Variants in NCBP1 observed in about 807,000 individuals in gnomAD.
The protein encoded by NCBP1 is nuclear cap-binding protein subunit 1.
Under a neutral mutation model 111.7 loss-of-function variants are expected in NCBP1, and 16 were observed. The ratio of observed to expected loss-of-function variants is 0.14; its 90% CI spans 0.10 to 0.22. NCBP1 has a LOEUF of 0.22. Ranked by LOEUF, NCBP1 falls within the 10% of genes least tolerant of loss-of-function variation. The probability of loss-of-function intolerance (pLI) is 1.00; values close to 1 mark genes in which losing one functional copy is unlikely to be tolerated. For missense variants in NCBP1, 607 were observed against 957.5 expected (o/e 0.63, Z 4.83); for synonymous variants, 304 against 314.3 (o/e 0.97, Z 0.35).
chr9:97,670,987 C>A, intron 22 of NCBP1, 99 bp from the exon 23 acceptor site: 2 of 666,578 alleles, frequency 3.0e-6, no homozygotes, highest in South Asian at 2.5e-5. Flanking sequence ...TTCCTCTTTT[C>A]ATCATTCTGC....
chr9:97,652,851 C>G (rs1463789761), intron 10 of NCBP1, among the ~76,000 whole-genome samples: 2 of 152,118 alleles, frequency 1.3e-5, no homozygotes, highest in Non-Finnish European at 2.9e-5. Context: ...TGCAAAATGT[C>G]ATTTTTAAAT....
intron 1 of NCBP1, chr9:97,636,178 A>G (rs1235399340): frequency 6.8e-6 from 1 of 146,912 alleles, no homozygotes. Flanking sequence ...AGTTGCCACA[A>G]TTTGGATAAC....
intron 22 of NCBP1, among the ~76,000 whole-genome samples, chr9:97,670,637 TGA>T (rs1174018944): frequency 6.6e-6 from 1 of 152,234 alleles, no homozygotes; most frequent in Non-Finnish European, 1.5e-5. Flanking sequence ...TAAGAATCTC[TGA>T]GAGTATTCAT....
intron 11 of NCBP1, 138 bp downstream of exon 11, chr9:97,654,046 A>T: frequency 1.6e-6 from 1 of 619,182 alleles, no homozygotes; most frequent in East Asian, 2.8e-5. Flanking sequence ...TATTACATGT[A>T]TGTACTTGTA....
rs532748471 is a variant in NCBP1, at chr9:97,634,933, G to A, written c.34+1018G>A. 7.2e-5 allele frequency among the ~76,000 whole-genome samples: 11 copies of A among 152,246 alleles called. No homozygotes were observed. The South Asian group carries it at 2.3e-3, about 32-fold the overall frequency. ...ATGATATTTATATCTTCTGGTTTTT[G>A]TGAAGGTTAAATGAGGTAATACACA... On this transcript the variant is annotated intron_variant, in intron 1 of 22. Coordinates refer to ENST00000375147, the MANE Select transcript of NCBP1 (RefSeq NM_002486.5).
intron 14 of NCBP1, among the ~76,000 whole-genome samples, chr9:97,657,902 C>T (rs1827708201): frequency 1.4e-5 from 1 of 69,482 alleles, no homozygotes; most frequent in African/African-American, 6.5e-5. Flanking sequence ...CTCTCTCTCT[C>T]TCTCTATATA....
At chr9:97,639,567 T>G (rs1268086571) in intron 1 of NCBP1, among the ~76,000 whole-genome samples, 1 of 152,192 alleles carries the variant, frequency 6.6e-6, no homozygotes, top group Non-Finnish European at 1.5e-5. Context: ...TATATCCAAC[T>G]GCAGATTTTC....
chr9:97,667,730 G>A (rs767763823), intron 20 of NCBP1, among the ~76,000 whole-genome samples: 2 of 152,208 alleles, frequency 1.3e-5, no homozygotes, highest in Non-Finnish European at 2.9e-5. Flanking sequence ...GCCACTAGCT[G>A]CACGTGACTA....
intron 1 of NCBP1, 27 bp from the exon 2 acceptor site, chr9:97,640,767 T>C: frequency 6.5e-7 from 1 of 1,545,810 alleles, no homozygotes; most frequent in South Asian, 1.2e-5. Context: ...TATCATGTAA[T>C]GTTAATTTTT....
At chr9:97,657,906 C>CTA (rs34556640) in intron 14 of NCBP1, among the ~76,000 whole-genome samples, 79 of 127,490 alleles carry the variant, frequency 6.2e-4, no homozygotes, top group East Asian at 2.5e-3. Flanking sequence ...CTCTCTCTCT[C>CTA]TATATATATA....
At chr9:97,652,090 G>A (rs1362122252) in intron 10 of NCBP1, among the ~76,000 whole-genome samples, 1 of 152,054 alleles carries the variant, frequency 6.6e-6, no homozygotes, top group Non-Finnish European at 1.5e-5. Flanking sequence ...TGCAGCCTCC[G>A]CCTCCGGGGT....
chr9:97,664,741 G>A (rs759524113), intron 19 of NCBP1, among the ~76,000 whole-genome samples: 14 of 152,174 alleles, frequency 9.2e-5, no homozygotes, highest in Non-Finnish European at 5.9e-5. Flanking sequence ...AGCCAGCTAT[G>A]TGCAGAGTCT....
At chr9:97,645,393 C>T (rs1338160112) in intron 5 of NCBP1, among the ~76,000 whole-genome samples, 169 bp downstream of exon 5, 1 of 152,082 alleles carries the variant, frequency 6.6e-6, no homozygotes, top group Non-Finnish European at 1.5e-5. Context: ...ATTAAGCTGA[C>T]TGGCACACTG....
At position 97,664,334 on chromosome 9, in the gene NCBP1, T is replaced by C; in HGVS notation, c.1798-6T>C. 6.4e-7 allele frequency: 1 copy of C among 1,572,214 alleles called. No individual in the cohort carries two copies. Among genetic ancestry groups the C allele is most frequent in the Non-Finnish European group, 8.7e-7 (1 of 1,142,950 alleles). ...GTGATTTACTTGAATAATTCTCTCA[T>C]TGTAGATGATTGCTGTACTAGTGGA... is the stretch of plus-strand genomic sequence containing the variant. On this transcript the variant is annotated splice_region_variant and splice_polypyrimidine_tract_variant and intron_variant, in intron 18 of 22. Coordinates refer to ENST00000375147, the MANE Select transcript of NCBP1 (RefSeq NM_002486.5).
intron 17 of NCBP1, among the ~76,000 whole-genome samples, chr9:97,662,394 C>G (rs1056979924): frequency 5.9e-5 from 9 of 152,058 alleles, no homozygotes; most frequent in African/African-American, 2.2e-4. Context: ...TAGTGAAAAA[C>G]CTAGGTTTTT....
rs375933925 is a variant in NCBP1 at position 97,638,606 on chromosome 9, A to T, written c.35-2188A>T. 1.5e-3 allele frequency among the ~76,000 whole-genome samples: 235 copies of T among 152,330 alleles called. 1 individual carries two copies. The highest frequency in any genetic ancestry group is 5.5e-3 in the African/African-American group (227 of 41,562). On this transcript the variant is annotated intron_variant, in intron 1 of 22. Transcript: ENST00000375147. ...ACAGCAACAAAAAATAACTGCTCTC[A>T]TTCAGCTAGTTTTTCAGCATCTGCA...
At chr9:97,669,473 C>A (rs933704420) in intron 21 of NCBP1, 120 bp from the exon 22 acceptor site, 3 of 654,924 alleles carry the variant, frequency 4.6e-6, no homozygotes, top group Non-Finnish European at 8.1e-6. Context: ...GGAAGCTAGG[C>A]ACACACACCA....
chr9:97,651,861 C>T (rs987394252), intron 10 of NCBP1, among the ~76,000 whole-genome samples: 2 of 152,000 alleles, frequency 1.3e-5, no homozygotes, highest in African/African-American at 2.4e-5. Context: ...ATCTAAAGAG[C>T]CAAGCAGTTT....
At chr9:97,651,438 T>G in intron 10 of NCBP1, 65 bp downstream of exon 10, 1 of 1,385,436 alleles carries the variant, frequency 7.2e-7, no homozygotes, top group Admixed American at 1.8e-5. Flanking sequence ...TAAAGTATGA[T>G]CTACTCTTGG....
Sources: gnomAD v4.1 joint callset for allele counts (sites outside exome capture counted in the v4.1 genomes callset) on GRCh38, gnomAD v4.1.1 for gene constraint, MANE v1.5 for transcripts, NCBI Gene and HGNC (gene_info 2026-07-23, HGNC 2026-07-21) for gene names.